PATJ: variants seen among roughly 807,000 people sequenced by gnomAD.
PATJ encodes the protein inaD-like protein.
PATJ carries 190 observed loss-of-function variants against 224.9 expected under a neutral mutation model. The observed-to-expected ratio is 0.84, with a 90% CI of 0.75 to 0.95. The LOEUF (loss-of-function observed/expected upper bound fraction) is 0.95. Among genes scored for constraint, PATJ ranks in the 40% least tolerant of loss-of-function variants. The pLI is 0.00. For synonymous variants in PATJ, 769 were observed against 820.3 expected (o/e 0.94, Z 1.07); for missense variants, 2,121 against 2,270.3 (o/e 0.93, Z 1.34).
intron 27 of PATJ, among the ~76,000 whole-genome samples, chr1:61,965,987 C>T (rs745928807): frequency 3.9e-5 from 6 of 152,188 alleles, no homozygotes; most frequent in African/African-American, 1.2e-4. Flanking sequence ...CCACAACTTC[C>T]GCCTCCCATG....
At chr1:61,871,844 G>A (rs936387975) in intron 20 of PATJ, among the ~76,000 whole-genome samples, 1 of 146,756 alleles carries the variant, frequency 6.8e-6, no homozygotes, top group Admixed American at 6.8e-5. Flanking sequence ...GATTACAGGC[G>A]TGAGCCACCA....
At chr1:61,775,698 T>G (rs1376831321) in intron 7 of PATJ, among the ~76,000 whole-genome samples, 1 of 152,216 alleles carries the variant, frequency 6.6e-6, no homozygotes, top group Non-Finnish European at 1.5e-5. Context: ...ATACAGTGAT[T>G]ATAAACATTT....
At chr1:61,869,350 C>T (rs1665969032) in intron 20 of PATJ, among the ~76,000 whole-genome samples, 1 of 152,022 alleles carries the variant, frequency 6.6e-6, no homozygotes, top group African/African-American at 2.4e-5. Context: ...TCGTGATCCG[C>T]CCGCCTCGGC....
At chr1:61,939,122 CAAAAAAAA>C (rs560139042) in intron 27 of PATJ, among the ~76,000 whole-genome samples, 1 of 57,486 alleles carries the variant, frequency 1.7e-5, no homozygotes, top group African/African-American at 6.8e-5. Context: ...GACTCCATCT[CAAAAAAAA>C]AAAAAAAAAA....
chr1:62,084,621 C>T lies in PATJ; in HGVS notation c.4350C>T (p.Ser1450=), dbSNP rs1659724235. ...ISKGRSGLGL[S]IVGGKDTPLN... is the part of the protein sequence containing the mutation. The stretch of plus-strand genomic sequence containing the variant: ...AGGGACGTTCAGGGCTTGGTCTCAG[C>T]ATTGTGGGAGGAAAAGACACACCCT... Residue 1450 remains serine, a synonymous_variant, in exon 33 of 44, where the codon AGC becomes AGT. Transcript: ENST00000642238. The T allele has an allele frequency of 1.2e-6, 2 of 1,612,840 alleles. No individual in the cohort carries two copies. Among genetic ancestry groups the T allele is most frequent in the African/African-American group, 1.3e-5 (1 of 74,860 alleles).
rs761278812 is a variant in PATJ, at chr1:62,125,236, C to CAAAA, written c.5043+2192_5043+2195dup. 8.7e-3 allele frequency among the ~76,000 whole-genome samples: 241 copies of CAAAA among 27,544 alleles called. 23 individuals are homozygous for CAAAA. The highest frequency in any genetic ancestry group is 0.027 in the East Asian group (20 of 732). The allele number at this position is 27,544 out of a possible 152,430, so 18.1% of individuals were successfully genotyped here. A position where few individuals can be genotyped will look rare whatever the true frequency, so the allele number is the denominator to read the frequency against. On this transcript the variant is annotated intron_variant, in intron 39 of 43. Transcript: ENST00000642238. The stretch of plus-strand genomic sequence containing the variant: ...TGGGTGACAGAGTAAAACCCTGTCT[C>CAAAA]AAAAAAAAAAAAAAAAACAAAAAAA...
At chr1:61,819,485 T>C (rs896668142) in intron 14 of PATJ, among the ~76,000 whole-genome samples, 2 of 152,156 alleles carry the variant, frequency 1.3e-5, no homozygotes, top group African/African-American at 4.8e-5. Flanking sequence ...TTCCAGCTCA[T>C]AGCCCAATGC....
At chr1:62,102,700 G>A (rs928963597) in intron 33 of PATJ, among the ~76,000 whole-genome samples, 5 of 151,202 alleles carry the variant, frequency 3.3e-5, no homozygotes, top group African/African-American at 4.8e-5. Context: ...AAAAAATACC[G>A]AAAAAGCACA....
chr1:61,869,959 T>A (rs887327830), intron 20 of PATJ, among the ~76,000 whole-genome samples: 1 of 152,020 alleles, frequency 6.6e-6, no homozygotes, highest in Non-Finnish European at 1.5e-5. Context: ...GAAGCCCCAG[T>A]GGGCGTGTTA....
intron 20 of PATJ, 71 bp from the exon 21 acceptor site, chr1:61,875,172 C>T: frequency 1.0e-6 from 1 of 976,732 alleles, no homozygotes; most frequent in Non-Finnish European, 1.5e-6. Flanking sequence ...TATTACTTGG[C>T]TTGATCAACT....
chr1:61,818,043 G>A (rs904638756), intron 14 of PATJ, among the ~76,000 whole-genome samples: 2 of 151,992 alleles, frequency 1.3e-5, no homozygotes, highest in Non-Finnish European at 2.9e-5. Context: ...TCCCCCTGAA[G>A]CAATATCATT....
intron 7 of PATJ, among the ~76,000 whole-genome samples, chr1:61,777,842 G>C (rs1307826898): frequency 2.0e-5 from 3 of 150,246 alleles, no homozygotes; most frequent in Admixed American, 6.6e-5. Context: ...CGAGTAGTTG[G>C]TACTACAGGC....
chr1:62,109,369 C>G (rs1663525371), intron 34 of PATJ, among the ~76,000 whole-genome samples: 1 of 151,892 alleles, frequency 6.6e-6, no homozygotes, highest in African/African-American at 2.4e-5. Context: ...AAGATGAAAC[C>G]AGAGATATAA....
intron 1 of PATJ, 60 bp from the exon 2 acceptor site, chr1:61,762,798 C>A (rs910438014): frequency 5.7e-6 from 4 of 701,356 alleles, no homozygotes; most frequent in African/African-American, 5.5e-5. Context: ...AATTTTTCTA[C>A]AGGATTGTAG....
At chr1:62,131,552 GC>G (rs940393280) in intron 41 of PATJ, among the ~76,000 whole-genome samples, 1 of 152,084 alleles carries the variant, frequency 6.6e-6, no homozygotes, top group African/African-American at 2.4e-5. Flanking sequence ...GGAGGCTAAG[GC>G]AGGAGAATTG....
chr1:62,080,340 CT>C (rs556436941), intron 32 of PATJ, among the ~76,000 whole-genome samples: 2 of 150,004 alleles, frequency 1.3e-5, no homozygotes, highest in Admixed American at 1.3e-4. Context: ...GCTTTTTTTT[CT>C]TTTTTTTTGA....
rs201305103 is a variant in PATJ at position 61,997,997 on chromosome 1, TA to T, written c.3867+7635del. ...TGTGCCCAGCTTATATATGTATATA[TA>T]ATATATTATATATATTAATTATATA... is the stretch of plus-strand genomic sequence containing the variant. On this transcript the variant is annotated intron_variant, in intron 28 of 43. Coordinates refer to ENST00000642238, the MANE Select transcript of PATJ (RefSeq NM_001350145.3). 4.4e-3 allele frequency among the ~76,000 whole-genome samples: 487 copies of T among 110,904 alleles called. 21 individuals are homozygous for T. Among genetic ancestry groups the T allele is most frequent in the African/African-American group, 0.015 (446 of 29,392 alleles). The allele number at this position is 110,904 out of a possible 152,430, so 72.8% of individuals were successfully genotyped here.
At position 62,108,473 on chromosome 1, in the gene PATJ, G is replaced by T. The variant is rs563936968; in HGVS notation, c.4414G>T (p.Ala1472Ser). The T allele has an allele frequency of 6.2e-7, 1 of 1,610,032 alleles. No individual in the cohort carries two copies. The highest frequency in any genetic ancestry group is 1.1e-5 in the South Asian group (1 of 90,584). Residue 1472 changes from alanine (A) to serine (S), a missense_variant, in exon 34 of 44, where the codon GCA becomes TCA. Coordinates refer to ENST00000642238, the MANE Select transcript of PATJ (RefSeq NM_001350145.3). ...TATCCATGAAGTCTATGAAGAAGGGGCAGCAGCCAGAGATGGAAGACTTTG... is the reference window on the plus strand; with the variant it reads ...TATCCATGAAGTCTATGAAGAAGGGTCAGCAGCCAGAGATGGAAGACTTTG... ...IVIHEVYEEG[A>S]AARDGRLWAG... is the part of the protein sequence containing the mutation.
chr1:61,871,071 T>G (rs546054063), intron 20 of PATJ, among the ~76,000 whole-genome samples: 4 of 149,064 alleles, frequency 2.7e-5, no homozygotes, highest in East Asian at 1.9e-4. Context: ...TTGGTTTTTG[T>G]TTTTTTTGTT....
Sources: allele counts gnomAD v4.1 joint callset (sites outside exome capture counted in the v4.1 genomes callset), GRCh38; gene constraint gnomAD v4.1.1; transcripts MANE v1.5; gene names NCBI Gene and HGNC (gene_info 2026-07-23, HGNC 2026-07-21).